CHRM3: variants seen among roughly 807,000 people sequenced by gnomAD.
The protein encoded by CHRM3 is cholinergic receptor muscarinic 3.
In CHRM3, 11 loss-of-function variants were observed where a neutral mutation model predicts 41.8. The observed-to-expected ratio is 0.26, with a 90% CI of 0.17 to 0.44. CHRM3 has a LOEUF of 0.44. Ranked by LOEUF, CHRM3 falls within the 20% of genes least tolerant of loss-of-function variation. CHRM3 has a pLI of 1.00. For synonymous variants in CHRM3, 297 were observed against 301.4 expected, an observed-to-expected ratio of 0.99 and a Z score of 0.15; for missense variants, 571 against 745.4, an observed-to-expected ratio of 0.77 and a Z score of 2.72.
At chr1:239,397,005 C>A (rs1659541110) in intron 1 of CHRM3, among the ~76,000 whole-genome samples, 1 of 152,120 alleles carries the variant, frequency 6.6e-6, no homozygotes, top group African/African-American at 2.4e-5. Flanking sequence ...TTAAATATGC[C>A]TTTATTCAGC....
chr1:239,400,201 T>G lies in CHRM3; in HGVS notation c.-521+12974T>G, dbSNP rs9970825. 5.4e-3 allele frequency among the ~76,000 whole-genome samples: 816 copies of G among 152,326 alleles called. 8 individuals carry two copies. Among genetic ancestry groups the G allele is most frequent in the African/African-American group, 0.019 (771 of 41,580 alleles). On this transcript the variant is annotated intron_variant, in intron 1 of 6. Coordinates refer to ENST00000676153, the MANE Select transcript of CHRM3 (RefSeq NM_001375978.1). ...GGGGATTACAGGCGTGAGCCATGAC[T>G]CTTGGCCGCTAGTTTTATTTTTATA... is the stretch of plus-strand genomic sequence containing the variant.
chr1:239,887,365 A>T (rs1276159675), intron 6 of CHRM3, among the ~76,000 whole-genome samples: 4 of 151,942 alleles, frequency 2.6e-5, no homozygotes, highest in Admixed American at 2.6e-4. Flanking sequence ...CCATGCATGG[A>T]TAATTTTTGT....
At chr1:239,714,557 G>A (rs1662147300) in intron 5 of CHRM3, among the ~76,000 whole-genome samples, 1 of 152,154 alleles carries the variant, frequency 6.6e-6, no homozygotes, top group Non-Finnish European at 1.5e-5. Flanking sequence ...GCACAGGACG[G>A]GGAGGAGACA....
intron 1 of CHRM3, among the ~76,000 whole-genome samples, chr1:239,470,133 A>T (rs1257746496): frequency 1.3e-5 from 2 of 152,156 alleles, no homozygotes; most frequent in African/African-American, 4.8e-5. Flanking sequence ...ATCCAAAGAC[A>T]GTGTTATTAT....
At chr1:239,858,681 A>G (rs1380623593) in intron 6 of CHRM3, among the ~76,000 whole-genome samples, 1 of 152,102 alleles carries the variant, frequency 6.6e-6, no homozygotes, top group African/African-American at 2.4e-5. Context: ...CAGTGTTGGT[A>G]CCTGTCATCT....
At chr1:239,737,395 C>A (rs772283599) in intron 5 of CHRM3, among the ~76,000 whole-genome samples, 7 of 152,058 alleles carry the variant, frequency 4.6e-5, no homozygotes, top group Non-Finnish European at 8.8e-5. Flanking sequence ...ATAGAAAGTG[C>A]GATAATGTTG....
At chr1:239,846,284 G>A (rs1437965707) in intron 6 of CHRM3, among the ~76,000 whole-genome samples, 1 of 152,090 alleles carries the variant, frequency 6.6e-6, no homozygotes, top group Non-Finnish European at 1.5e-5. Context: ...ACATTCTTGG[G>A]ACTACTATAG....
At chr1:239,846,086 C>A (rs952384552) in intron 6 of CHRM3, among the ~76,000 whole-genome samples, 20 of 151,906 alleles carry the variant, frequency 1.3e-4, no homozygotes, top group African/African-American at 4.8e-4. Context: ...GTGAAACTTA[C>A]AACTTTTTTT....
At chr1:239,677,890 G>T (rs933354741) in intron 4 of CHRM3, among the ~76,000 whole-genome samples, 1 of 151,978 alleles carries the variant, frequency 6.6e-6, no homozygotes, top group Non-Finnish European at 1.5e-5. Context: ...GTTTCTGAGG[G>T]CAGGTGACCA....
chr1:239,800,545 A>G (rs548564940), intron 5 of CHRM3, among the ~76,000 whole-genome samples: 19 of 152,210 alleles, frequency 1.2e-4, no homozygotes, highest in African/African-American at 1.7e-4. Flanking sequence ...GGGTGATTCA[A>G]TCACCCAGAA....
intron 6 of CHRM3, among the ~76,000 whole-genome samples, chr1:239,853,095 G>C (rs1408537844): frequency 1.3e-5 from 2 of 151,436 alleles, no homozygotes; most frequent in East Asian, 3.9e-4. Flanking sequence ...TAAATTTAAT[G>C]ATGTTTATTT....
intron 4 of CHRM3, among the ~76,000 whole-genome samples, chr1:239,649,937 GC>G (rs1210970392): frequency 6.6e-6 from 1 of 152,226 alleles, no homozygotes; most frequent in Admixed American, 6.5e-5. Context: ...AATATTTAAA[GC>G]CATCCTTTGG....
intron 1 of CHRM3, among the ~76,000 whole-genome samples, chr1:239,391,350 G>A (rs757066381): frequency 6.6e-6 from 1 of 152,188 alleles, no homozygotes; most frequent in East Asian, 1.9e-4. Flanking sequence ...CTGAAATGCA[G>A]TGCTTGATTG....
At chr1:239,860,352 T>A (rs945893755) in intron 6 of CHRM3, among the ~76,000 whole-genome samples, 1 of 152,206 alleles carries the variant, frequency 6.6e-6, no homozygotes, top group African/African-American at 2.4e-5. Flanking sequence ...AATACCCACA[T>A]TTCTGCATTT....
intron 4 of CHRM3, among the ~76,000 whole-genome samples, chr1:239,633,299 C>T (rs560868329): frequency 4.6e-5 from 7 of 152,202 alleles, no homozygotes; most frequent in Admixed American, 4.6e-4. Context: ...GGCAGGAGAG[C>T]GGGGAGAGGG....
chr1:239,406,576 G>C (rs1292038824), intron 1 of CHRM3, among the ~76,000 whole-genome samples: 1 of 152,152 alleles, frequency 6.6e-6, no homozygotes, highest in Non-Finnish European at 1.5e-5. Context: ...CCACTACTGA[G>C]TAGCCCATCC....
intron 2 of CHRM3, among the ~76,000 whole-genome samples, chr1:239,539,255 G>A (rs1292443157): frequency 6.6e-6 from 1 of 151,986 alleles, no homozygotes; most frequent in Non-Finnish European, 1.5e-5. Context: ...AATTTTTTTG[G>A]CCTTTGTTCT....
At chr1:239,903,557 G>A (rs957699007) in intron 6 of CHRM3, among the ~76,000 whole-genome samples, 1 of 152,092 alleles carries the variant, frequency 6.6e-6, no homozygotes, top group Non-Finnish European at 1.5e-5. Context: ...AAGTATCTCT[G>A]GTAGCCCAGG....
At position 239,641,882 on chromosome 1, in the gene CHRM3, G is replaced by A. The variant is rs1464946400; in HGVS notation, c.-250+9596G>A. ...GTCTTGATGGTCTTTACAATTTGGC[G>A]TGATTTTGCAGTGGCTGGTACCGGT... is the stretch of plus-strand genomic sequence containing the variant. On this transcript the variant is annotated intron_variant, in intron 4 of 6. Transcript: ENST00000676153. Among the ~76,000 whole-genome samples, 21 of 126,668 alleles carry A rather than the reference G, an allele frequency of 1.7e-4. 6 individuals carry two copies. The highest frequency in any genetic ancestry group is 4.0e-4 in the Admixed American group (5 of 12,410). 83.1% of individuals were successfully genotyped at this position (126,668 alleles called of 152,430 possible). A position where few individuals can be genotyped will look rare whatever the true frequency, so the allele number is the denominator to read the frequency against.
Sources: allele counts gnomAD v4.1 joint callset (sites outside exome capture counted in the v4.1 genomes callset), GRCh38; gene constraint gnomAD v4.1.1; transcripts MANE v1.5; gene names NCBI Gene and HGNC (gene_info 2026-07-23, HGNC 2026-07-21).